MMP7: variants seen among roughly 807,000 people sequenced by gnomAD.
MMP7 encodes the protein matrix metallopeptidase 7.
MMP7 carries 26 observed loss-of-function variants against 31.5 expected under a neutral mutation model. The observed-to-expected ratio is 0.83, with a 90% CI of 0.61 to 1.15. The LOEUF is 1.15. Ranked by LOEUF, MMP7 falls within the 50% of genes most tolerant of loss-of-function variation. MMP7 has a pLI of 0.00. For synonymous variants in MMP7, 142 were observed against 124.2 expected (o/e 1.14, Z -0.95); for missense variants, 367 against 326.5 (o/e 1.12, Z -0.96).
At chr11:102,528,044 G>A in intron 1 of MMP7, 61 bp from the exon 2 acceptor site, 1 of 1,213,022 alleles carries the variant, frequency 8.2e-7, no homozygotes, top group Non-Finnish European at 1.2e-6. Context: ...TATCTTAGAA[G>A]CCTATATATC....
At chr11:102,521,799 T>C (rs1858616469) in intron 5 of MMP7, among the ~76,000 whole-genome samples, 1 of 152,240 alleles carries the variant, frequency 6.6e-6, no homozygotes, top group Non-Finnish European at 1.5e-5. Context: ...AAAATATTTA[T>C]AGACTGCTAT....
At position 102,527,883 on chromosome 11, in the gene MMP7, A is replaced by T; in HGVS notation, c.209T>A (p.Ile70Lys). ...KEMQKFFGLP[I>K]TGMLNSRVIE... The stretch of plus-strand genomic sequence containing the variant: ...GACGCGGGAGTTTAACATTCCAGTT[A>T]TAGGTAGGCCAAAGAATTTTTGCAT... Residue 70 changes from isoleucine to lysine, a missense_variant, in exon 2 of 6, where the codon ATA (isoleucine) becomes AAA (lysine). Ile to Lys is a moderately radical substitution (Grantham distance 102, BLOSUM62 -3). Coordinates refer to ENST00000260227, the MANE Select transcript of MMP7 (RefSeq NM_002423.5). 1 of 1,614,150 alleles carries T rather than the reference A, an allele frequency of 6.2e-7. No homozygotes were observed. The highest frequency in any genetic ancestry group is 8.5e-7 in the Non-Finnish European group (1 of 1,180,010).
chr11:102,528,508 CA>C, intron 1 of MMP7, among the ~76,000 whole-genome samples: 1 of 152,236 alleles, frequency 6.6e-6, no homozygotes, highest in Admixed American at 6.5e-5. Context: ...GTGAAGGAAC[CA>C]AAGCTTATAG....
intron 1 of MMP7, among the ~76,000 whole-genome samples, chr11:102,528,432 G>C (rs1341018013): frequency 2.0e-5 from 3 of 152,096 alleles, no homozygotes; most frequent in African/African-American, 4.8e-5. Context: ...AAGTTAAAGG[G>C]TCTTAAAATT....
chr11:102,520,628 G>T lies in MMP7; in HGVS notation c.*148C>A. The stretch of plus-strand genomic sequence containing the variant: ...ACCATAAAGGAGTTTATCCTTAAAA[G>T]GAGTGAAAGACATTCAAAAACCAAC... On this transcript the variant is annotated 3_prime_UTR_variant, in exon 6 of 6. Transcript: ENST00000260227. The T allele has an allele frequency of 1.7e-6, 1 of 590,276 alleles. No homozygotes were observed. The highest frequency in any genetic ancestry group is 2.8e-5 in the East Asian group (1 of 35,548). The allele number at this position is 590,276 out of a possible 1,614,324, so 36.6% of individuals were successfully genotyped here.
At chr11:102,524,178 T>C (rs976584751) in intron 4 of MMP7, 2 of 152,148 alleles carry the variant, frequency 1.3e-5, no homozygotes, top group African/African-American at 2.4e-5. Flanking sequence ...ATATGCCAGA[T>C]GCAAATGGGA....
Position 102,527,944 on chromosome 11 carries a change from T to G in MMP7, c.148A>C (p.Lys50Gln). Residue 50 changes from lysine to glutamine, a missense_variant, in exon 2 of 6, where the codon AAA becomes CAA. By Grantham distance (53) the Lys-to-Gln change is moderately conservative (BLOSUM62 1). Coordinates refer to ENST00000260227, the MANE Select transcript of MMP7 (RefSeq NM_002423.5). ...TTGGCTTCTAAACTGTTGGCATTTT[T>G]TGTTTCTGAGTCATAGAGATAAAAT... is the stretch of plus-strand genomic sequence containing the variant. ...KRFYLYDSETKNANSLEAKLK... is the reference protein window; with the variant it reads ...KRFYLYDSETQNANSLEAKLK... 1 of 1,614,068 alleles carries G rather than the reference T, an allele frequency of 6.2e-7. No homozygotes were observed. The highest frequency in any genetic ancestry group is 8.5e-7 in the Non-Finnish European group (1 of 1,180,004).
rs144937218 is a variant in MMP7 at position 102,522,569 on chromosome 11, T to C, written c.775+671A>G. 3.3e-5 allele frequency among the ~76,000 whole-genome samples: 5 copies of C among 152,354 alleles called. No individual in the cohort carries two copies. In the East Asian group the frequency reaches 5.8e-4, roughly 18 times the overall value. On this transcript the variant is annotated intron_variant, in intron 5 of 5. Coordinates refer to ENST00000260227, the MANE Select transcript of MMP7 (RefSeq NM_002423.5). Reference sequence around the variant, plus strand: ...GACCTTGGACAGTCCACTTAGCCTCTTTGAATCTTACTTTCCTTATCTTTA... The same window carrying C: ...GACCTTGGACAGTCCACTTAGCCTCCTTGAATCTTACTTTCCTTATCTTTA...
At position 102,523,334 on chromosome 11, in the gene MMP7, A is replaced by G; in HGVS notation, c.681T>C (p.Asp227=). Residue 227 remains aspartate (D), a synonymous_variant, in exon 5 of 6, where the codon GAT becomes GAC. Transcript: ENST00000260227. ...GHSLGMGHSS[D]PNAVMYPTYG... is the part of the protein sequence containing the mutation. ...AGGTTGGATACATCACTGCATTAGG[A>G]TCAGAGGAATGTCCCATACCCAAAG... 1 of 1,613,434 alleles carries G rather than the reference A, an allele frequency of 6.2e-7. No individual in the cohort carries two copies. The highest frequency in any genetic ancestry group is 8.5e-7 in the Non-Finnish European group (1 of 1,179,606).
intron 1 of MMP7, among the ~76,000 whole-genome samples, chr11:102,529,216 T>C (rs1409317167): frequency 1.3e-5 from 2 of 152,226 alleles, no homozygotes; most frequent in African/African-American, 4.8e-5. Flanking sequence ...TAATATTGTG[T>C]CTTTTTTTCC....
chr11:102,521,603 A>G (rs185634297), intron 5 of MMP7, among the ~76,000 whole-genome samples: 204 of 152,314 alleles, frequency 1.3e-3, no homozygotes, highest in Non-Finnish European at 2.6e-3. Flanking sequence ...AACTCCCTAC[A>G]TATACAGCCC....
Position 102,523,390 on chromosome 11 carries a change from G to T in MMP7, c.625C>A (p.Leu209Met). ...CCAAGTTCATGAGTTGCAGCATACA[G>T]GAAGTTAATCCCTACAACCGAAGAA... ...TDGSSLGINF[L>M]YAATHELGHS... The change falls in exon 5 of 6, where the codon CTG becomes ATG. Residue 209 changes from leucine to methionine, a missense_variant. Coordinates refer to ENST00000260227, the MANE Select transcript of MMP7 (RefSeq NM_002423.5). 1 of 1,603,142 alleles carries T rather than the reference G, an allele frequency of 6.2e-7. No individual in the cohort carries two copies. Among genetic ancestry groups the T allele is most frequent in the African/African-American group, 1.3e-5 (1 of 74,786 alleles).
intron 1 of MMP7, 109 bp downstream of exon 1, chr11:102,530,484 A>T: frequency 1.1e-6 from 1 of 877,200 alleles, no homozygotes; most frequent in Non-Finnish European, 1.9e-6. Flanking sequence ...AACCACCCCA[A>T]AGAAAATTCC....
At chr11:102,521,672 A>G (rs138134838) in intron 5 of MMP7, among the ~76,000 whole-genome samples, 160 of 152,298 alleles carry the variant, frequency 1.1e-3, no homozygotes, top group African/African-American at 3.6e-3. Flanking sequence ...CTCTGACCAG[A>G]GATGCCCTTT....
At chr11:102,527,014 T>G (rs1858679576) in intron 3 of MMP7, 2 of 168,034 alleles carry the variant, frequency 1.2e-5, no homozygotes, top group Admixed American at 1.1e-4. Context: ...TGGGTTTGTG[T>G]AAGTGTATTC....
chr11:102,529,562 C>T (rs534250287), intron 1 of MMP7, among the ~76,000 whole-genome samples: 2 of 152,260 alleles, frequency 1.3e-5, no homozygotes, highest in East Asian at 1.9e-4. Context: ...AAGTTAAATA[C>T]TAGTAACTTT....
chr11:102,525,370 A>C (rs1858658315), intron 3 of MMP7, among the ~76,000 whole-genome samples: 1 of 151,776 alleles, frequency 6.6e-6, no homozygotes, highest in South Asian at 2.1e-4. Flanking sequence ...TGAACTCAGG[A>C]GGCGGAAGTT....
intron 5 of MMP7, among the ~76,000 whole-genome samples, chr11:102,521,695 A>C (rs759854949): frequency 2.6e-5 from 4 of 152,196 alleles, no homozygotes; most frequent in Non-Finnish European, 5.9e-5. Context: ...TCTAATACTT[A>C]AGGTTTTAAT....
chr11:102,521,526 T>C (rs1252400653), intron 5 of MMP7, among the ~76,000 whole-genome samples: 1 of 152,210 alleles, frequency 6.6e-6, no homozygotes, highest in African/African-American at 2.4e-5. Flanking sequence ...AGTATAGCAT[T>C]AGGAATCTTG....
Sources: gnomAD v4.1 joint callset for allele counts (sites outside exome capture counted in the v4.1 genomes callset) on GRCh38, gnomAD v4.1.1 for gene constraint, MANE v1.5 for transcripts, NCBI Gene and HGNC (gene_info 2026-07-23, HGNC 2026-07-21) for gene names.